The following RGS17 variants were observed in gnomAD, a reference collection of about 807,000 sequenced individuals.
RGS17 encodes regulator of G-protein signaling 17.
RGS17 carries 12 observed loss-of-function variants against 25.5 expected under a neutral mutation model. That is an observed-to-expected ratio of 0.47 (90% confidence interval 0.30 to 0.76). The LOEUF (loss-of-function observed/expected upper bound fraction) is 0.76. RGS17 is among the 30% of genes least tolerant of loss of function. RGS17 has a pLI of 0.07. For missense variants in RGS17, 196 were observed against 242.2 expected (o/e 0.81, Z 1.27); for synonymous variants, 71 against 76.9 (o/e 0.92, Z 0.40).
intron 1 of RGS17, among the ~76,000 whole-genome samples, chr6:153,080,696 GTTCT>G (rs1251564501): frequency 6.6e-6 from 1 of 151,964 alleles, no homozygotes; most frequent in Admixed American, 6.6e-5. Flanking sequence ...AGGTAATTGA[GTTCT>G]TTCTTCCTTA....
intron 1 of RGS17, among the ~76,000 whole-genome samples, chr6:153,102,399 A>G (rs1008675162): frequency 9.2e-5 from 14 of 152,254 alleles, no homozygotes; most frequent in African/African-American, 2.7e-4. Flanking sequence ...GATTTGGACT[A>G]TGCAGGAACA....
At chr6:153,101,568 G>A (rs117109312) in intron 1 of RGS17, among the ~76,000 whole-genome samples, 12 of 152,288 alleles carry the variant, frequency 7.9e-5, no homozygotes, top group Non-Finnish European at 1.8e-4. Flanking sequence ...GCAGTTAACA[G>A]TATATGCTAC....
chr6:153,130,296 T>C lies in RGS17; in HGVS notation c.-26+828A>G, dbSNP rs894330584. Among the ~76,000 whole-genome samples the C allele has an allele frequency of 1.3e-5, 2 of 152,086 alleles. No homozygotes were observed. The highest frequency in any genetic ancestry group is 1.5e-5 in the Non-Finnish European group (1 of 68,010). Reference sequence around the variant, plus strand: ...CGATCACGGAAAGACCACCATCACCTACAGCAAAGGAGGCTCCGATGCGCC... The same window carrying C: ...CGATCACGGAAAGACCACCATCACCCACAGCAAAGGAGGCTCCGATGCGCC... On this transcript the variant is annotated intron_variant, in intron 1 of 4. Transcript: ENST00000206262. The surrounding 1 kb of genome is among the most constrained non-coding windows in gnomAD (Gnocchi z 6.4).
chr6:153,069,739 CGTGT>C (rs60117149), intron 1 of RGS17, among the ~76,000 whole-genome samples: 29 of 141,046 alleles, frequency 2.1e-4, no homozygotes, highest in African/African-American at 5.1e-4. Flanking sequence ...ATATACACCT[CGTGT>C]GTGTGTGTGT....
intron 1 of RGS17, among the ~76,000 whole-genome samples, chr6:153,047,849 C>A (rs1399592483): frequency 6.6e-6 from 1 of 152,182 alleles, no homozygotes; most frequent in Non-Finnish European, 1.5e-5. Context: ...TATTTTAACT[C>A]CACCCTCTTT....
chr6:153,017,427 A>T (rs923427534), intron 4 of RGS17, among the ~76,000 whole-genome samples: 2 of 151,938 alleles, frequency 1.3e-5, no homozygotes, highest in African/African-American at 4.8e-5. Context: ...AAGACAGAGA[A>T]ATCTTGTTAG....
chr6:153,121,572 T>A (rs561625075), intron 1 of RGS17, among the ~76,000 whole-genome samples: 39 of 152,328 alleles, frequency 2.6e-4, no homozygotes, highest in Admixed American at 2.2e-3. Context: ...CCCCAAAGTC[T>A]TAATAAATAT....
chr6:153,044,388 C>A (rs1043507737), intron 1 of RGS17, among the ~76,000 whole-genome samples: 1 of 152,120 alleles, frequency 6.6e-6, no homozygotes, highest in Admixed American at 6.5e-5. Flanking sequence ...TTTATGGACA[C>A]CATTCGGTGA....
At chr6:153,054,114 G>A (rs7450259) in intron 1 of RGS17, among the ~76,000 whole-genome samples, 35,175 of 48,068 alleles carry the variant, frequency 0.73, 12,039 homozygotes, top group Middle Eastern at 0.79. Context: ...ATATATATAT[G>A]TGTATATATA....
In RGS17 at chr6:153,130,268, C is replaced by T. The variant is rs945751263; in HGVS notation, c.-26+856G>A. 6.6e-6 allele frequency among the ~76,000 whole-genome samples: 1 copy of T among 152,128 alleles called. No homozygotes were observed. The highest frequency in any genetic ancestry group is 6.5e-5 in the Admixed American group (1 of 15,284). Reference sequence around the variant, plus strand: ...GGAGGCAGAGATTAAACTATGATTCCATCGATCACGGAAAGACCACCATCA... The same window carrying T: ...GGAGGCAGAGATTAAACTATGATTCTATCGATCACGGAAAGACCACCATCA... On this transcript the variant is annotated intron_variant, in intron 1 of 4. Transcript: ENST00000206262. This position sits in a 1 kb window ranked among gnomAD's most constrained non-coding sequence, Gnocchi z 6.4.
At chr6:153,063,198 T>C (rs570072302) in intron 1 of RGS17, among the ~76,000 whole-genome samples, 3 of 152,068 alleles carry the variant, frequency 2.0e-5, no homozygotes, top group Non-Finnish European at 4.4e-5. Flanking sequence ...CTGTTGATAG[T>C]TGTAGGAAAA....
intron 1 of RGS17, among the ~76,000 whole-genome samples, chr6:153,063,668 A>T (rs1776667944): frequency 2.0e-5 from 3 of 152,220 alleles, no homozygotes; most frequent in African/African-American, 7.2e-5. Flanking sequence ...TAGAAAGTTT[A>T]TTCAAAGGGA....
chr6:153,070,855 CAT>C (rs1187663837), intron 1 of RGS17, among the ~76,000 whole-genome samples: 63 of 149,622 alleles, frequency 4.2e-4, no homozygotes, highest in African/African-American at 1.5e-3. Context: ...ATACACAATA[CAT>C]ATATAACATG....
chr6:153,044,357 A>C (rs1776361554), intron 1 of RGS17, among the ~76,000 whole-genome samples: 1 of 152,252 alleles, frequency 6.6e-6, no homozygotes, highest in Admixed American at 6.5e-5. Flanking sequence ...TCTTTACTCA[A>C]GAATGATTAA....
chr6:153,074,929 A>C (rs1776856565), intron 1 of RGS17, among the ~76,000 whole-genome samples: 1 of 152,150 alleles, frequency 6.6e-6, no homozygotes, highest in African/African-American at 2.4e-5. Flanking sequence ...TTGGCAAGGC[A>C]GGGACCATCA....
At chr6:153,098,697 G>A (rs1424593537) in intron 1 of RGS17, among the ~76,000 whole-genome samples, 1 of 152,156 alleles carries the variant, frequency 6.6e-6, no homozygotes, top group East Asian at 1.9e-4. Flanking sequence ...CAGATGCCGG[G>A]TGGCAACTCT....
intron 4 of RGS17, among the ~76,000 whole-genome samples, chr6:153,020,100 T>TTAAAA (rs1333650446): frequency 1.1e-3 from 51 of 45,022 alleles, no homozygotes; most frequent in African/African-American, 4.1e-3. Flanking sequence ...GCAAATATCT[T>TTAAAA]AAAAAAAAAA....
intron 1 of RGS17, among the ~76,000 whole-genome samples, chr6:153,058,390 G>A (rs2129114078): frequency 6.6e-6 from 1 of 152,280 alleles, no homozygotes; most frequent in South Asian, 2.1e-4. Context: ...AGTCAGTGAG[G>A]AAGAAAGACT....
At chr6:153,018,624 T>C (rs1261331074) in intron 4 of RGS17, among the ~76,000 whole-genome samples, 1 of 152,248 alleles carries the variant, frequency 6.6e-6, no homozygotes, top group Non-Finnish European at 1.5e-5. Context: ...TGACCTTACC[T>C]GACTACTTCT....
Sources: allele counts gnomAD v4.1 joint callset (sites outside exome capture counted in the v4.1 genomes callset), GRCh38; gene constraint gnomAD v4.1.1; non-coding constraint Gnocchi (gnomAD v3.1); transcripts MANE v1.5; gene names NCBI Gene and HGNC (gene_info 2026-07-23, HGNC 2026-07-21).